CDKAL1: variants seen among roughly 807,000 people sequenced by gnomAD.
CDKAL1 encodes threonylcarbamoyladenosine tRNA methylthiotransferase.
CDKAL1 carries 32 observed loss-of-function variants against 68.2 expected under a neutral mutation model. The observed-to-expected ratio is 0.47, with a 90% CI of 0.35 to 0.63. The LOEUF (loss-of-function observed/expected upper bound fraction) is 0.63. Among genes scored for constraint, CDKAL1 ranks in the 30% least tolerant of loss-of-function variants. The probability of loss-of-function intolerance (pLI) is 0.00; values close to 1 mark genes in which losing one functional copy is unlikely to be tolerated. For missense variants in CDKAL1, 606 were observed against 696.7 expected, an observed-to-expected ratio of 0.87 and a Z score of 1.47; for synonymous variants, 234 against 244.3, an observed-to-expected ratio of 0.96 and a Z score of 0.39.
At chr6:21,178,593 A>G (rs1777674979) in intron 13 of CDKAL1, among the ~76,000 whole-genome samples, 1 of 152,224 alleles carries the variant, frequency 6.6e-6, no homozygotes, top group African/African-American at 2.4e-5. Flanking sequence ...TGATCTTGTT[A>G]AAAGTCATTG....
intron 11 of CDKAL1, among the ~76,000 whole-genome samples, chr6:21,056,022 C>A (rs569385547): frequency 1.3e-5 from 2 of 152,188 alleles, no homozygotes; most frequent in African/African-American, 2.4e-5. Flanking sequence ...TCCACAGCCT[C>A]ACCAACATCT....
chr6:21,067,618 C>G (rs1316754928), intron 12 of CDKAL1, among the ~76,000 whole-genome samples: 1 of 152,104 alleles, frequency 6.6e-6, no homozygotes, highest in African/African-American at 2.4e-5. Flanking sequence ...TGGGTATTTT[C>G]AAAATCCCAA....
intron 5 of CDKAL1, among the ~76,000 whole-genome samples, chr6:20,720,663 C>T (rs1022467765): frequency 1.3e-5 from 2 of 152,112 alleles, no homozygotes; most frequent in African/African-American, 4.8e-5. Flanking sequence ...CCAGGCCTGG[C>T]TAATTTTTGT....
intron 9 of CDKAL1, among the ~76,000 whole-genome samples, chr6:20,935,452 A>G (rs1474085759): frequency 6.7e-6 from 1 of 149,026 alleles, no homozygotes; most frequent in Non-Finnish European, 1.5e-5. Flanking sequence ...TTTTGGAGAC[A>G]TACTTTCACT....
intron 5 of CDKAL1, among the ~76,000 whole-genome samples, chr6:20,674,784 A>T (rs1770012195): frequency 6.6e-6 from 1 of 152,086 alleles, no homozygotes; most frequent in African/African-American, 2.4e-5. Context: ...AGATCAACTT[A>T]TTTAGCTCTC....
In CDKAL1 at chr6:20,577,111, G is replaced by A. The variant is rs185171482; in HGVS notation, c.286+28406G>A. 2.4e-3 allele frequency among the ~76,000 whole-genome samples: 365 copies of A among 152,218 alleles called. 1 individual carries two copies. The highest frequency in any genetic ancestry group is 3.5e-3 in the Non-Finnish European group (236 of 68,016). Reference sequence around the variant, plus strand: ...TTCCACATTTCCCTTCGTTGTTGGCGACCTAACCTTGGTGACCGCAAGCGA... The same window carrying A: ...TTCCACATTTCCCTTCGTTGTTGGCAACCTAACCTTGGTGACCGCAAGCGA... On this transcript the variant is annotated intron_variant, in intron 4 of 15. Transcript: ENST00000274695.
chr6:21,063,329 C>CTGTTAT (rs1048116995), intron 11 of CDKAL1, among the ~76,000 whole-genome samples: 1 of 152,162 alleles, frequency 6.6e-6, no homozygotes, highest in African/African-American at 2.4e-5. Context: ...TAATGTAATT[C>CTGTTAT]TGTTATTGTT....
At chr6:20,551,762 A>G (rs1478187503) in intron 4 of CDKAL1, among the ~76,000 whole-genome samples, 1 of 152,210 alleles carries the variant, frequency 6.6e-6, no homozygotes, top group Middle Eastern at 3.2e-3. Context: ...TAAGTTAAAA[A>G]TGGTCAAAAT....
chr6:21,215,823 C>T (rs1350103432), intron 15 of CDKAL1, among the ~76,000 whole-genome samples: 2 of 152,134 alleles, frequency 1.3e-5, no homozygotes, highest in South Asian at 2.1e-4. Flanking sequence ...CAAAGGTGAT[C>T]GTGTCCTAAT....
Position 20,875,192 on chromosome 6 carries a change from G to A in CDKAL1, c.742+29014G>A, listed in dbSNP as rs1042115960. On this transcript the variant is annotated intron_variant, in intron 9 of 15. Transcript: ENST00000274695. ...CAGGCGCCTGTAGTCCCAGCTACTCGGGAGGCTGAGGCAGGAGAATGGCGT... is the reference window on the plus strand; with the variant it reads ...CAGGCGCCTGTAGTCCCAGCTACTCAGGAGGCTGAGGCAGGAGAATGGCGT... 4.0e-5 allele frequency among the ~76,000 whole-genome samples: 6 copies of A among 151,200 alleles called. No homozygotes were observed. The East Asian group carries it at 7.9e-4, about 20-fold the overall frequency.
intron 8 of CDKAL1, among the ~76,000 whole-genome samples, chr6:20,811,363 T>A (rs186559994): frequency 2.1e-4 from 32 of 152,330 alleles, no homozygotes; most frequent in African/African-American, 7.5e-4. Context: ...GACGCTGAGG[T>A]CATTCCCAGG....
intron 9 of CDKAL1, among the ~76,000 whole-genome samples, chr6:20,927,547 G>A (rs1187351928): frequency 6.6e-6 from 1 of 152,132 alleles, no homozygotes; most frequent in Non-Finnish European, 1.5e-5. Flanking sequence ...TTTAACCATA[G>A]TAGCAAAAAT....
rs552365296 is a variant in CDKAL1, at chr6:20,681,959, C to T, written c.371+32582C>T. Among the ~76,000 whole-genome samples, 5 of 152,330 alleles carry T rather than the reference C, an allele frequency of 3.3e-5. No homozygotes were observed. In the South Asian group the frequency reaches 1.0e-3, roughly 32 times the overall value. ...AGATTTGATGTCTAGTGAGAACTCA[C>T]TTCATGGTTCATAGATGGCAAGTTA... On this transcript the variant is annotated intron_variant, in intron 5 of 15. Transcript: ENST00000274695.
chr6:21,008,706 C>A (rs987060408), intron 11 of CDKAL1, among the ~76,000 whole-genome samples: 3 of 152,056 alleles, frequency 2.0e-5, no homozygotes, highest in African/African-American at 7.2e-5. Context: ...CTTGGTTTGT[C>A]CTCCTTGACA....
intron 6 of CDKAL1, among the ~76,000 whole-genome samples, chr6:20,750,835 G>A (rs1022799335): frequency 6.6e-5 from 10 of 151,510 alleles, no homozygotes; most frequent in Admixed American, 4.0e-4. Context: ...GTGGTGGCAG[G>A]CACCTGTAAT....
At chr6:20,624,378 T>C (rs1443282506) in intron 4 of CDKAL1, among the ~76,000 whole-genome samples, 1 of 152,016 alleles carries the variant, frequency 6.6e-6, no homozygotes, top group African/African-American at 2.4e-5. Context: ...TTTAAGTTTT[T>C]TCCCCCCTTT....
chr6:21,230,937 G>T lies in CDKAL1; in HGVS notation c.1638G>T (p.Val546=). Residue 546 remains valine (V), a synonymous_variant, in exon 16 of 16, where the codon GTG becomes GTT. Coordinates refer to ENST00000274695, the MANE Select transcript of CDKAL1 (RefSeq NM_017774.3). Reference sequence around the variant, plus strand: ...GTGACTCAGCGAGTTCCAGAATGGTGCTGCCCATGCCAAGGCTACATCAAG... The same window carrying T: ...GTGACTCAGCGAGTTCCAGAATGGTTCTGCCCATGCCAAGGCTACATCAAG... ...SQCDSASSRM[V]LPMPRLHQDC... 1 of 1,614,166 alleles carries T rather than the reference G, an allele frequency of 6.2e-7. No individual in the cohort carries two copies. Among genetic ancestry groups the T allele is most frequent in the South Asian group, 1.1e-5 (1 of 91,074 alleles).
In CDKAL1 at chr6:20,775,898, T is replaced by A. The variant is rs146783953; in HGVS notation, c.518-5247T>A. The stretch of plus-strand genomic sequence containing the variant: ...GCTACTCCATTTTTAAACAAATAAT[T>A]GTTTTATTGTTGAAATTCCCTCCTT... On this transcript the variant is annotated intron_variant, in intron 7 of 15. Coordinates refer to ENST00000274695, the MANE Select transcript of CDKAL1 (RefSeq NM_017774.3). Among the ~76,000 whole-genome samples the A allele has an allele frequency of 5.8e-3, 890 of 152,312 alleles. 9 individuals carry two copies. Among genetic ancestry groups the A allele is most frequent in the African/African-American group, 0.02 (844 of 41,576 alleles).
intron 4 of CDKAL1, among the ~76,000 whole-genome samples, chr6:20,633,589 A>C (rs772068372): frequency 3.3e-5 from 5 of 152,176 alleles, no homozygotes; most frequent in Non-Finnish European, 7.3e-5. Flanking sequence ...CTCTCTGTTT[A>C]ACAATTTGAG....
Sources: allele counts gnomAD v4.1 joint callset (sites outside exome capture counted in the v4.1 genomes callset), GRCh38; gene constraint gnomAD v4.1.1; transcripts MANE v1.5; gene names NCBI Gene and HGNC (gene_info 2026-07-23, HGNC 2026-07-21).